ADCY8: variants seen among roughly 807,000 people sequenced by gnomAD.
The protein encoded by ADCY8 is adenylate cyclase type 8.
Under a neutral mutation model 119.7 loss-of-function variants are expected in ADCY8, and 51 were observed. That is an observed-to-expected ratio of 0.43 (90% CI 0.34 to 0.54). The LOEUF (loss-of-function observed/expected upper bound fraction) is 0.54, where lower values mean the gene tolerates loss of function less well. ADCY8 is among the 20% of genes least tolerant of loss of function. ADCY8 has a pLI of 0.03. For missense variants in ADCY8, 1,383 were observed against 1,598.8 expected, an observed-to-expected ratio of 0.87 and a Z score of 2.30; for synonymous variants, 665 against 651.0, an observed-to-expected ratio of 1.02 and a Z score of -0.33.
At chr8:130,844,547 G>C (rs548752003) in intron 11 of ADCY8, among the ~76,000 whole-genome samples, 1 of 152,316 alleles carries the variant, frequency 6.6e-6, no homozygotes, top group African/African-American at 2.4e-5. Context: ...GAAGCGATTT[G>C]CTTGGGGACA....
chr8:130,902,908 C>T (rs189992740), intron 7 of ADCY8, among the ~76,000 whole-genome samples: 2 of 152,008 alleles, frequency 1.3e-5, no homozygotes, highest in South Asian at 2.1e-4. Context: ...AGTACAGTCA[C>T]ATCATTGAAC....
chr8:130,941,588 C>T (rs1820958023), intron 4 of ADCY8, among the ~76,000 whole-genome samples: 1 of 152,178 alleles, frequency 6.6e-6, no homozygotes, highest in Admixed American at 6.5e-5. Flanking sequence ...TGTTTTCCCC[C>T]AGTCCCTAGC....
intron 5 of ADCY8, among the ~76,000 whole-genome samples, chr8:130,910,943 G>GC (rs5895067): frequency 0.58 from 88,772 of 151,888 alleles, 27,519 homozygotes; most frequent in East Asian, 0.69. Flanking sequence ...AACCTTCATT[G>GC]CCCCCAAATG....
chr8:130,814,422 C>T (rs182517827), intron 13 of ADCY8, among the ~76,000 whole-genome samples, 195 bp from the exon 14 acceptor site: 12 of 152,268 alleles, frequency 7.9e-5, no homozygotes, highest in East Asian at 3.9e-4. Context: ...CAGGGATGTG[C>T]GCCTGCCTTT....
Position 130,782,894 on chromosome 8 carries a change from C to T in ADCY8, c.3268+797G>A, listed in dbSNP as rs76065361. On this transcript the variant is annotated intron_variant, in intron 17 of 17. Coordinates refer to ENST00000286355, the MANE Select transcript of ADCY8 (RefSeq NM_001115.3). The stretch of plus-strand genomic sequence containing the variant: ...CAGAAGATGTCTACAGTGTGAGGAC[C>T]GTAGCAAAAGTTATTTTAAACTGCA... Among the ~76,000 whole-genome samples, 1,327 of 152,188 alleles carry T rather than the reference C, an allele frequency of 8.7e-3. 16 individuals carry two copies. The highest frequency in any genetic ancestry group is 0.03 in the African/African-American group (1,258 of 41,512).
At chr8:131,031,758 A>C (rs1824004049) in intron 1 of ADCY8, among the ~76,000 whole-genome samples, 1 of 152,152 alleles carries the variant, frequency 6.6e-6, no homozygotes, top group Non-Finnish European at 1.5e-5. Context: ...GGTCTCCAAA[A>C]CCAGAAGCCA....
At chr8:130,947,735 A>G (rs1370177222) in intron 3 of ADCY8, among the ~76,000 whole-genome samples, 2 of 152,238 alleles carry the variant, frequency 1.3e-5, no homozygotes, top group African/African-American at 2.4e-5. Flanking sequence ...ATAAAGACAA[A>G]CATGTCTCCC....
chr8:130,885,848 G>C (rs1173665137), intron 7 of ADCY8, among the ~76,000 whole-genome samples: 1 of 152,024 alleles, frequency 6.6e-6, no homozygotes, highest in Non-Finnish European at 1.5e-5. Flanking sequence ...CAGCCTCTCA[G>C]CTTGGCTATG....
chr8:130,951,426 A>T (rs189593727), intron 3 of ADCY8, among the ~76,000 whole-genome samples: 1 of 152,260 alleles, frequency 6.6e-6, no homozygotes, highest in Admixed American at 6.5e-5. Context: ...GGATAGATGG[A>T]TGGTTGGCCA....
At position 130,829,221 on chromosome 8, in the gene ADCY8, A is replaced by T. The variant is rs1366457313; in HGVS notation, c.2675+7056T>A. 2.6e-5 allele frequency among the ~76,000 whole-genome samples: 4 copies of T among 152,202 alleles called. No homozygotes were observed. The East Asian group carries it at 7.7e-4, about 29-fold the overall frequency. ...AGCTGATCCATCAAGGGCAGGGTTT[A>T]TAAAATATCTTAAGCACTGATCTTG... On this transcript the variant is annotated intron_variant, in intron 12 of 17. Coordinates refer to ENST00000286355, the MANE Select transcript of ADCY8 (RefSeq NM_001115.3).
At chr8:130,878,398 CTG>C (rs1383755453) in intron 8 of ADCY8, among the ~76,000 whole-genome samples, 3 of 152,162 alleles carry the variant, frequency 2.0e-5, no homozygotes, top group African/African-American at 7.2e-5. Flanking sequence ...ATCCCAAAGA[CTG>C]TGGTCCTGAA....
At chr8:130,990,991 C>T (rs1172850863) in intron 1 of ADCY8, 2 of 152,500 alleles carry the variant, frequency 1.3e-5, no homozygotes, top group Non-Finnish European at 2.9e-5. Context: ...TATATTTAGA[C>T]TCTGGTGTTC....
intron 9 of ADCY8, among the ~76,000 whole-genome samples, chr8:130,860,524 G>C (rs1817891287): frequency 6.6e-6 from 1 of 152,076 alleles, no homozygotes; most frequent in Non-Finnish European, 1.5e-5. Context: ...AAATTTTATA[G>C]TTTTGCATTT....
At position 130,828,214 on chromosome 8, in the gene ADCY8, A is replaced by G. The variant is rs867768233; in HGVS notation, c.2676-6794T>C. On this transcript the variant is annotated intron_variant, in intron 12 of 17. Transcript: ENST00000286355. ...GCCATGTCTCCTATCCTCTCTGTGTATGCAATGTGGGGGAAATTTTACAAA... is the reference window on the plus strand; with the variant it reads ...GCCATGTCTCCTATCCTCTCTGTGTGTGCAATGTGGGGGAAATTTTACAAA... Among the ~76,000 whole-genome samples the G allele has an allele frequency of 2.0e-5, 3 of 152,250 alleles. No homozygotes were observed. In the South Asian group the frequency reaches 6.2e-4, roughly 32 times the overall value.
chr8:130,799,817 C>T (rs1180142576), intron 15 of ADCY8, among the ~76,000 whole-genome samples: 1 of 152,184 alleles, frequency 6.6e-6, no homozygotes, highest in Non-Finnish European at 1.5e-5. Flanking sequence ...CACTTGCTTC[C>T]CAGCTCAGGC....
At chr8:130,867,110 A>G (rs1170650447) in intron 9 of ADCY8, among the ~76,000 whole-genome samples, 1 of 152,194 alleles carries the variant, frequency 6.6e-6, no homozygotes, top group Non-Finnish European at 1.5e-5. Flanking sequence ...CTGAGAAAAG[A>G]GGCAGGAGCT....
At chr8:130,867,714 G>C (rs1267992038) in intron 9 of ADCY8, 132 bp downstream of exon 9, 2 of 541,466 alleles carry the variant, frequency 3.7e-6, no homozygotes, top group Non-Finnish European at 6.5e-6. Flanking sequence ...CATTGATACT[G>C]TCAAACATTT....
intron 2 of ADCY8, among the ~76,000 whole-genome samples, chr8:130,955,294 A>G (rs113968683): frequency 1.2e-3 from 184 of 152,296 alleles, no homozygotes; most frequent in African/African-American, 4.3e-3. Context: ...GAAATAACTC[A>G]TTGTAGATGA....
intron 6 of ADCY8, among the ~76,000 whole-genome samples, chr8:130,907,579 G>A (rs1427407867): frequency 2.0e-5 from 3 of 152,164 alleles, no homozygotes; most frequent in Admixed American, 1.3e-4. Context: ...AAACTGGGAA[G>A]GGCATGAAGT....
Sources: allele counts gnomAD v4.1 joint callset (sites outside exome capture counted in the v4.1 genomes callset), GRCh38; gene constraint gnomAD v4.1.1; transcripts MANE v1.5; gene names NCBI Gene and HGNC (gene_info 2026-07-23, HGNC 2026-07-21).